DBI: variants seen among roughly 807,000 people sequenced by gnomAD.
The protein encoded by DBI is diazepam binding inhibitor, acyl-CoA binding protein.
Under a neutral mutation model 13.0 loss-of-function variants are expected in DBI, and 12 were observed. The ratio of observed to expected loss-of-function variants is 0.92; its 90% confidence interval spans 0.59 to 1.49. The LOEUF (loss-of-function observed/expected upper bound fraction) is 1.49. DBI is among the 40% of genes most tolerant of loss of function. The pLI is 0.00. For missense variants in DBI, 95 were observed against 104.8 expected (o/e 0.91, Z 0.41); for synonymous variants, 37 against 37.4 (o/e 0.99, Z 0.04).
chr2:119,368,689 G>A (rs1177965441), intron 2 of DBI: 2 of 190,722 alleles, frequency 1.0e-5, no homozygotes, highest in African/African-American at 2.3e-5. Context: ...TGACAGCCTG[G>A]CCAAGCCTGA....
chr2:119,367,357 G>C, intron 1 of DBI: 1 of 1,448,864 alleles, frequency 6.9e-7, no homozygotes, highest in Middle Eastern at 1.8e-4. Flanking sequence ...GGGGGAAGGG[G>C]TTGCACGGAT....
Position 119,370,748 on chromosome 2 carries a change from G to A in DBI, c.136G>A (p.Gly46Arg), listed in dbSNP as rs374134739. ...TTCTTCCCTTGTTTAAGAACGGCCC[G>A]GGATGTTGGACTTCACGGGCAAGGC... is the stretch of plus-strand genomic sequence containing the variant. ...TVGDINTERP[G>R]MLDFTGKAKW... Residue 46 changes from glycine to arginine, a missense_variant, in exon 3 of 4, where the codon GGG becomes AGG. By Grantham distance (125) the Gly-to-Arg change is moderately radical (BLOSUM62 -2). Transcript: ENST00000355857. 3.3e-5 allele frequency: 53 copies of A among 1,613,900 alleles called. No individual in the cohort carries two copies. The highest frequency in any genetic ancestry group is 6.7e-5 in the Admixed American group (4 of 59,986).
intron 1 of DBI, chr2:119,367,813 G>T: frequency 6.2e-7 from 1 of 1,612,484 alleles, no homozygotes; most frequent in Middle Eastern, 1.9e-4. Flanking sequence ...CTAGTGCCTG[G>T]CCCGGTGGTG....
intron 3 of DBI, 122 bp downstream of exon 3, chr2:119,370,924 G>C: frequency 1.2e-6 from 1 of 840,354 alleles, no homozygotes. Flanking sequence ...AAACCAGCCT[G>C]ACCTGTGCCA....
chr2:119,367,113 T>G lies in DBI; in HGVS notation c.9+53T>G, dbSNP rs1558804136. On this transcript the variant is annotated intron_variant, in intron 1 of 3. Transcript: ENST00000355857. ...AAGGTGCAGCGGGCGGGAGGCCCGT[T>G]GGGGGCTCAGCCGGCTGCCAGAAGC... 4 of 1,610,708 alleles carry G rather than the reference T, an allele frequency of 2.5e-6. No homozygotes were observed. The South Asian group carries it at 3.3e-5, about 13-fold the overall frequency.
chr2:119,368,999 A>G (rs1681307936), intron 2 of DBI, among the ~76,000 whole-genome samples: 1 of 152,220 alleles, frequency 6.6e-6, no homozygotes, highest in Admixed American at 6.5e-5. Flanking sequence ...CTGCTGAGGA[A>G]GAAGGCGAGC....
chr2:119,367,314 G>C (rs1477887808), intron 1 of DBI: 1 of 1,436,866 alleles, frequency 7.0e-7, no homozygotes, highest in Admixed American at 2.8e-5. Flanking sequence ...TAGCGGGAGA[G>C]GGGTGGGAGT....
At chr2:119,368,096 C>A in intron 1 of DBI, 92 bp from the exon 2 acceptor site, 1 of 1,482,742 alleles carries the variant, frequency 6.7e-7, no homozygotes, top group Non-Finnish European at 9.4e-7. Flanking sequence ...CCTCTCCATC[C>A]CCGTAACTGG....
rs181789531 is a variant in DBI, at chr2:119,369,321, A to G, written c.127+1016A>G. Among the ~76,000 whole-genome samples the G allele has an allele frequency of 1.1e-3, 163 of 152,172 alleles. 1 individual carries two copies. Among genetic ancestry groups the G allele is most frequent in the Non-Finnish European group, 1.9e-3 (129 of 68,022 alleles). Reference sequence around the variant, plus strand: ...GCCTGTGCCCGTACTAGAGTTACCGATTTTCACATGAGTCTAGATAGACTG... The same window carrying G: ...GCCTGTGCCCGTACTAGAGTTACCGGTTTTCACATGAGTCTAGATAGACTG... On this transcript the variant is annotated intron_variant, in intron 2 of 3. Transcript: ENST00000355857.
At position 119,372,293 on chromosome 2, in the gene DBI, A is replaced by G; in HGVS notation, c.239A>G (p.Glu80Gly). ...AMKAYINKVE[E>G]LKKKYGI ...AAAGCTTACATCAACAAAGTAGAAG[A>G]GCTAAAGAAAAAATACGGGATATGA... The change falls in exon 4 of 4, where the codon GAG becomes GGG. Residue 80 changes from glutamate (E) to glycine (G), a missense_variant. Physicochemically the swap from Glu to Gly is moderately conservative, Grantham distance 98. Coordinates refer to ENST00000355857, the MANE Select transcript of DBI (RefSeq NM_001079862.4). 6.2e-7 allele frequency: 1 copy of G among 1,613,644 alleles called. No homozygotes were observed. The highest frequency in any genetic ancestry group is 1.3e-5 in the African/African-American group (1 of 75,044).
At position 119,366,988 on chromosome 2, in the gene DBI, G is replaced by A. The variant is rs1455172484; in HGVS notation, c.-64G>A. 2.5e-6 allele frequency: 4 copies of A among 1,609,042 alleles called. No individual in the cohort carries two copies. The highest frequency in any genetic ancestry group is 1.7e-6 in the Non-Finnish European group (2 of 1,176,186). On this transcript the variant is annotated 5_prime_UTR_variant, in exon 1 of 4. Transcript: ENST00000355857. The stretch of plus-strand genomic sequence containing the variant: ...TAAAGGCGCTTGCCAGTGCAATCTG[G>A]GCGATCGCTTCCTGGTCCTCGCCTC...
intron 3 of DBI, among the ~76,000 whole-genome samples, chr2:119,371,140 C>A (rs1681487640): frequency 6.6e-6 from 1 of 152,128 alleles, no homozygotes; most frequent in African/African-American, 2.4e-5. Flanking sequence ...ACTCCCTCTC[C>A]CCTACAAGGC....
chr2:119,371,705 G>C (rs1014011263), intron 3 of DBI, among the ~76,000 whole-genome samples: 18 of 152,174 alleles, frequency 1.2e-4, no homozygotes, highest in Non-Finnish European at 2.4e-4. Context: ...ACAAAGATTT[G>C]TCTCATTCCC....
chr2:119,367,622 C>T (rs200535268), intron 1 of DBI: 1 of 1,611,192 alleles, frequency 6.2e-7, no homozygotes, highest in Non-Finnish European at 8.5e-7. Context: ...CCTGCCTCTG[C>T]CAATCCGGGC....
intron 2 of DBI, 142 bp downstream of exon 2, chr2:119,368,447 A>G (rs1449326873): frequency 1.5e-6 from 1 of 671,930 alleles, no homozygotes; most frequent in African/African-American, 1.8e-5. Context: ...CCTGAGGTGG[A>G]AAAGACCATG....
intron 2 of DBI, among the ~76,000 whole-genome samples, chr2:119,369,052 G>T (rs909545994): frequency 5.9e-5 from 9 of 152,214 alleles, no homozygotes; most frequent in Non-Finnish European, 1.0e-4. Flanking sequence ...AGATGGAGCA[G>T]GTGGGCTGGC....
chr2:119,372,277 A>C lies in DBI; in HGVS notation c.223A>C (p.Ile75Leu). The change falls in exon 4 of 4, where the codon ATC becomes CTC. Residue 75 changes from isoleucine to leucine, a missense_variant. Physicochemically the swap from Ile to Leu is conservative, Grantham distance 5 (BLOSUM62 2). Transcript: ENST00000355857. ...CAAGGAAGATGCCATGAAAGCTTAC[A>C]TCAACAAAGTAGAAGAGCTAAAGAA... is the stretch of plus-strand genomic sequence containing the variant. ...TSKEDAMKAY[I>L]NKVEELKKKY... 1.9e-6 allele frequency: 3 copies of C among 1,613,816 alleles called. No individual in the cohort carries two copies. The highest frequency in any genetic ancestry group is 2.5e-6 in the Non-Finnish European group (3 of 1,179,720).
In DBI at chr2:119,366,981, C is replaced by T. The variant is rs951755253; in HGVS notation, c.-71C>T. On this transcript the variant is annotated 5_prime_UTR_variant, in exon 1 of 4. Transcript: ENST00000355857. Reference sequence around the variant, plus strand: ...GCGCCTCTAAAGGCGCTTGCCAGTGCAATCTGGGCGATCGCTTCCTGGTCC... The same window carrying T: ...GCGCCTCTAAAGGCGCTTGCCAGTGTAATCTGGGCGATCGCTTCCTGGTCC... 1.9e-6 allele frequency: 3 copies of T among 1,603,208 alleles called. No individual in the cohort carries two copies. Among genetic ancestry groups the T allele is most frequent in the Non-Finnish European group, 2.6e-6 (3 of 1,171,272 alleles).
At position 119,368,208 on chromosome 2, in the gene DBI, A is replaced by T; in HGVS notation, c.30A>T (p.Ala10=). 9.9e-6 allele frequency: 16 copies of T among 1,613,638 alleles called. No homozygotes were observed. Among genetic ancestry groups the T allele is most frequent in the Non-Finnish European group, 1.4e-5 (16 of 1,179,982 alleles). Residue 10 remains alanine, a synonymous_variant, in exon 2 of 4, where the codon GCA becomes GCT. Transcript: ENST00000355857. MSQAEFEKA[A]EEVRHLKTKP... ...TTTAGGCTGAGTTTGAGAAAGCTGC[A>T]GAGGAGGTTAGGCACCTTAAGACCA...
Sources: allele counts gnomAD v4.1 joint callset (sites outside exome capture counted in the v4.1 genomes callset), GRCh38; gene constraint gnomAD v4.1.1; transcripts MANE v1.5; gene names NCBI Gene and HGNC (gene_info 2026-07-23, HGNC 2026-07-21).